Variants in HECTD4 observed in about 807,000 individuals in gnomAD.
HECTD4 encodes the protein probable E3 ubiquitin-protein ligase HECTD4.
HECTD4 carries 114 observed loss-of-function variants against 471.5 expected under a neutral mutation model. That is an observed-to-expected ratio of 0.24 (90% CI 0.21 to 0.28). The LOEUF is 0.28. Ranked by LOEUF, HECTD4 falls within the 10% of genes least tolerant of loss-of-function variation. HECTD4 has a pLI of 1.00. For missense variants in HECTD4, 3,866 were observed against 5,651.5 expected (o/e 0.68, Z 10.13); for synonymous variants, 2,012 against 2,256.0 (o/e 0.89, Z 3.07).
chr12:112,185,411 C>A lies in HECTD4; in HGVS notation c.9555G>T (p.Val3185=). The change falls in exon 61 of 76, where the codon GTG becomes GTT. Residue 3185 remains valine, a synonymous_variant. Coordinates refer to ENST00000682272, the MANE Select transcript of HECTD4 (RefSeq NM_001388303.1). ...FHLLAELLRT[V]HTLEQRRHPA... is the part of the protein sequence containing the mutation. ...GGTGCCGCCTCTGCTCCAGGGTGTG[C>A]ACCGTGCGCAGGAGCTCTGCCAGGA... 1 of 1,609,544 alleles carries A rather than the reference C, an allele frequency of 6.2e-7. No homozygotes were observed. The highest frequency in any genetic ancestry group is 1.7e-5 in the Admixed American group (1 of 59,468).
chr12:112,311,275 A>AG (rs1315186985), intron 4 of HECTD4, among the ~76,000 whole-genome samples: 2 of 151,608 alleles, frequency 1.3e-5, no homozygotes, highest in Non-Finnish European at 2.9e-5. Flanking sequence ...AAAAAAAAAA[A>AG]GATTACATAA....
intron 55 of HECTD4, among the ~76,000 whole-genome samples, chr12:112,196,425 T>G (rs1196891342): frequency 6.6e-6 from 1 of 152,060 alleles, no homozygotes; most frequent in African/African-American, 2.4e-5. Context: ...ACTTCTCCTG[T>G]CTCCTCCCTC....
Position 112,163,421 on chromosome 12 carries a change from C to T in HECTD4, c.12897+121G>A. 9.6e-7 allele frequency: 1 copy of T among 1,046,750 alleles called. No homozygotes were observed. The highest frequency in any genetic ancestry group is 1.4e-6 in the Non-Finnish European group (1 of 729,428). 64.8% of individuals were successfully genotyped at this position (1,046,750 alleles called of 1,614,324 possible). A position where few individuals can be genotyped will look rare whatever the true frequency, so the allele number is the denominator to read the frequency against. ...TGACAATGATGACAATGATACAGGTCTGTGGCAAGGACAGAGCTGAGACAG... is the reference window on the plus strand; with the variant it reads ...TGACAATGATGACAATGATACAGGTTTGTGGCAAGGACAGAGCTGAGACAG... On this transcript the variant is annotated intron_variant, in intron 74 of 75. Coordinates refer to ENST00000682272, the MANE Select transcript of HECTD4 (RefSeq NM_001388303.1). This position sits in a 1 kb window ranked among gnomAD's most constrained non-coding sequence, Gnocchi z 8.2.
At chr12:112,310,081 A>G (rs1309485591) in intron 4 of HECTD4, among the ~76,000 whole-genome samples, 1 of 152,216 alleles carries the variant, frequency 6.6e-6, no homozygotes, top group Non-Finnish European at 1.5e-5. Context: ...AGCTCTTATG[A>G]GCTCAGTAAG....
intron 60 of HECTD4, among the ~76,000 whole-genome samples, chr12:112,186,340 A>AAT (rs1204304456): frequency 4.4e-5 from 5 of 113,936 alleles, no homozygotes; most frequent in African/African-American, 1.9e-4. Context: ...TTTTTTTAAT[A>AAT]ATTTTTTTTT....
intron 17 of HECTD4, 175 bp from the exon 18 acceptor site, chr12:112,261,604 A>C: frequency 1.7e-6 from 1 of 599,520 alleles, no homozygotes; most frequent in Non-Finnish European, 2.7e-6. Context: ...GAATAAGCCC[A>C]AAGCAGTAAA....
chr12:112,228,377 A>C lies in HECTD4; in HGVS notation c.6685-119T>G. 8.8e-7 allele frequency: 1 copy of C among 1,138,170 alleles called. No individual in the cohort carries two copies. The highest frequency in any genetic ancestry group is 1.2e-6 in the Non-Finnish European group (1 of 848,516). The allele number at this position is 1,138,170 out of a possible 1,614,324, so 70.5% of individuals were successfully genotyped here. A position where few individuals can be genotyped will look rare whatever the true frequency, so the allele number is the denominator to read the frequency against. ...AATTTTCAGTTAAAAAAATAAAATC[A>C]CCATACAGAAAACTACAAACCACAT... On this transcript the variant is annotated intron_variant, in intron 42 of 75. Transcript: ENST00000682272. The surrounding 1 kb of genome is among the most constrained non-coding windows in gnomAD (Gnocchi z 4.9).
chr12:112,222,855 A>G (rs1473151688), intron 44 of HECTD4, among the ~76,000 whole-genome samples: 1 of 152,116 alleles, frequency 6.6e-6, no homozygotes, highest in Non-Finnish European at 1.5e-5. Flanking sequence ...ACAAAAGCAA[A>G]AACAAAATTA....
intron 18 of HECTD4, among the ~76,000 whole-genome samples, chr12:112,260,140 C>T (rs2034110712): frequency 1.3e-5 from 2 of 152,114 alleles, no homozygotes; most frequent in Admixed American, 1.3e-4. Context: ...TGCCCCCAGC[C>T]CCCGGCAACC....
Position 112,183,100 on chromosome 12 carries a change from C to A in HECTD4, c.10946G>T (p.Ser3649Ile), listed in dbSNP as rs773508801. ...ATTGAAATAATCTTCTAACCCTGGG[C>A]TCCCTTGAGTATCAAAGAGACTCTG... ...VNQSLFDTQG[S>I]PGLEDYFNDK... The change falls in exon 62 of 76, where the codon AGC (serine) becomes ATC (isoleucine). Residue 3649 changes from serine to isoleucine, a missense_variant. Physicochemically the swap from Ser to Ile is moderately radical, Grantham distance 142 (BLOSUM62 -2). Around this residue, in one of 16 missense-constraint regions of HECTD4, gnomAD observed 715 missense variants for 1,087.6 expected, o/e 0.66. Coordinates refer to ENST00000682272, the MANE Select transcript of HECTD4 (RefSeq NM_001388303.1). 1.2e-6 allele frequency: 2 copies of A among 1,613,550 alleles called. No individual in the cohort carries two copies. The highest frequency in any genetic ancestry group is 1.7e-6 in the Non-Finnish European group (2 of 1,179,656).
Position 112,259,220 on chromosome 12 carries a change from G to A in HECTD4, c.2919C>T (p.His973=), listed in dbSNP as rs1384237413. The A allele has an allele frequency of 1.9e-6, 3 of 1,613,784 alleles. No homozygotes were observed. The highest frequency in any genetic ancestry group is 2.5e-6 in the Non-Finnish European group (3 of 1,179,856). The change falls in exon 19 of 76, where the codon CAC becomes CAT. Residue 973 remains histidine, a synonymous_variant. Coordinates refer to ENST00000682272, the MANE Select transcript of HECTD4 (RefSeq NM_001388303.1). ...AGGAGGTCAGTAACACTGGAAGAAG[G>A]TGACCAAGCATAGTAGCCTTAGTAA... ...EQVTKATMLG[H]LLPVLLTSLM... is the part of the protein sequence containing the mutation.
intron 72 of HECTD4, among the ~76,000 whole-genome samples, 174 bp from the exon 73 acceptor site, chr12:112,164,449 C>A (rs947171958): frequency 6.6e-6 from 1 of 152,130 alleles, no homozygotes; most frequent in Non-Finnish European, 1.5e-5. Flanking sequence ...CAGGGCCGGG[C>A]GTGTGACCCA....
chr12:112,194,150 C>T lies in HECTD4; in HGVS notation c.8750-476G>A, dbSNP rs1263563761. Among the ~76,000 whole-genome samples, 2 of 152,200 alleles carry T rather than the reference C, an allele frequency of 1.3e-5. No individual in the cohort carries two copies. Among genetic ancestry groups the T allele is most frequent in the African/African-American group, 4.8e-5 (2 of 41,452 alleles). On this transcript the variant is annotated intron_variant, in intron 56 of 75. Coordinates refer to ENST00000682272, the MANE Select transcript of HECTD4 (RefSeq NM_001388303.1). This position sits in a 1 kb window ranked among gnomAD's most constrained non-coding sequence, Gnocchi z 4.6. ...CTAAGTTCTTGGGATGGGCTGTGGA[C>T]CCCAGGCGCTCATATGGACCAGTAG...
intron 62 of HECTD4, among the ~76,000 whole-genome samples, chr12:112,180,424 A>G (rs2031624078): frequency 6.6e-6 from 1 of 151,976 alleles, no homozygotes; most frequent in Non-Finnish European, 1.5e-5. Flanking sequence ...CTTCTCAGCT[A>G]CTCAGGAGGC....
Position 112,167,905 on chromosome 12 carries a change from C to T in HECTD4, c.12221G>A (p.Arg4074His), listed in dbSNP as rs1383562159. The change falls in exon 71 of 76, where the codon CGC (arginine) becomes CAC (histidine). Residue 4074 changes from arginine (R) to histidine (H), a missense_variant. Arg to His is a conservative substitution (Grantham distance 29, BLOSUM62 0). Transcript: ENST00000682272. Reference sequence around the variant, plus strand: ...CTTACACACCTGCCACAGGAAGTGGCGGAAAGAGCCGCCTGTAGGACAGAC... The same window carrying T: ...CTTACACACCTGCCACAGGAAGTGGTGGAAAGAGCCGCCTGTAGGACAGAC... ...EEVHGTSGSF[R>H]HFLWQVCKEL... is the part of the protein sequence containing the mutation. The T allele has an allele frequency of 1.2e-6, 2 of 1,613,018 alleles. No homozygotes were observed. The highest frequency in any genetic ancestry group is 1.3e-5 in the African/African-American group (1 of 74,942).
chr12:112,168,863 C>A (rs555177738), intron 70 of HECTD4, among the ~76,000 whole-genome samples: 3 of 152,306 alleles, frequency 2.0e-5, no homozygotes, highest in Non-Finnish European at 2.9e-5. Context: ...ACCAGAGTTG[C>A]TCTCAGAGAG....
intron 1 of HECTD4, among the ~76,000 whole-genome samples, chr12:112,338,972 A>G (rs368209379): frequency 6.6e-6 from 1 of 152,194 alleles, no homozygotes; most frequent in African/African-American, 2.4e-5. Flanking sequence ...ACTGGGGATT[A>G]TAATTCAACG....
intron 54 of HECTD4, 50 bp from the exon 55 acceptor site, chr12:112,200,848 C>T (rs575633026): frequency 6.4e-7 from 1 of 1,572,622 alleles, no homozygotes; most frequent in South Asian, 1.2e-5. Flanking sequence ...TTTTGTTTTC[C>T]ATGTGTGCGT....
intron 66 of HECTD4, among the ~76,000 whole-genome samples, chr12:112,174,519 G>A (rs1018098266): frequency 6.6e-6 from 1 of 152,148 alleles, no homozygotes; most frequent in Non-Finnish European, 1.5e-5. Flanking sequence ...CTCCCAAAGT[G>A]CTGGGATTAC....
Sources: allele counts gnomAD v4.1 joint callset (sites outside exome capture counted in the v4.1 genomes callset), GRCh38; gene constraint gnomAD v4.1.1; regional missense constraint gnomAD v4.1.1; non-coding constraint Gnocchi (gnomAD v3.1); transcripts MANE v1.5; gene names NCBI Gene and HGNC (gene_info 2026-07-23, HGNC 2026-07-21).